Variants in STK11 observed in about 807,000 individuals in gnomAD.
STK11 encodes the protein serine/threonine-protein kinase STK11.
Under a neutral mutation model 47.3 loss-of-function variants are expected in STK11, and 8 were observed. The ratio of observed to expected loss-of-function variants is 0.17; its 90% confidence interval spans 0.10 to 0.31. The LOEUF (loss-of-function observed/expected upper bound fraction) is 0.31, where lower values mean the gene tolerates loss of function less well. STK11 is among the 10% of genes least tolerant of loss of function. STK11 has a pLI of 1.00. For missense variants in STK11, 475 were observed against 605.0 expected (o/e 0.79, Z 2.25); for synonymous variants, 330 against 255.8 (o/e 1.29, Z -2.77).
At position 1,227,697 on chromosome 19, in the gene STK11, A is replaced by G. The variant is rs886054219; in HGVS notation, c.*121A>G. ...TGGCCGCCATGCTTCTGTGCCGACCACGCCCCAGGACCTCCGGAGCGCCCT... is the reference window on the plus strand; with the variant it reads ...TGGCCGCCATGCTTCTGTGCCGACCGCGCCCCAGGACCTCCGGAGCGCCCT... On this transcript the variant is annotated 3_prime_UTR_variant, in exon 10 of 10. Transcript: ENST00000326873. 1 of 1,069,198 alleles carries G rather than the reference A, an allele frequency of 9.4e-7. No individual in the cohort carries two copies. The highest frequency in any genetic ancestry group is 1.1e-6 in the Non-Finnish European group (1 of 881,720). The allele number at this position is 1,069,198 out of a possible 1,614,324, so 66.2% of individuals were successfully genotyped here.
chr19:1,222,738 G>A (rs2080793858), intron 7 of STK11, among the ~76,000 whole-genome samples: 1 of 152,220 alleles, frequency 6.6e-6, no homozygotes. Flanking sequence ...GGTGGGTGCT[G>A]GCTTCTGAGT....
Position 1,227,769 on chromosome 19 carries a change from C to T in STK11, c.*193C>T. The T allele has an allele frequency of 1.9e-6, 2 of 1,073,642 alleles. No individual in the cohort carries two copies. The highest frequency in any genetic ancestry group is 2.3e-6 in the Non-Finnish European group (2 of 884,438). 66.5% of individuals were successfully genotyped at this position (1,073,642 alleles called of 1,614,324 possible). ...GCAGGGACCGGGCGCAGCCCTCCCC[C>T]CTCGGCCGCCCGGCAGTGCACGCGG... On this transcript the variant is annotated 3_prime_UTR_variant, in exon 10 of 10. Coordinates refer to ENST00000326873, the MANE Select transcript of STK11 (RefSeq NM_000455.5).
chr19:1,210,680 T>C (rs1430875042), intron 1 of STK11, among the ~76,000 whole-genome samples: 1 of 149,808 alleles, frequency 6.7e-6, no homozygotes, highest in African/African-American at 2.5e-5. Flanking sequence ...CTGACCAACA[T>C]GGTGAAACCC....
At chr19:1,208,511 T>C (rs528213630) in intron 1 of STK11, among the ~76,000 whole-genome samples, 2 of 150,486 alleles carry the variant, frequency 1.3e-5, no homozygotes, top group South Asian at 4.2e-4. Context: ...GGTTTCACCG[T>C]GTTAGCCAGG....
intron 9 of STK11, 58 bp downstream of exon 9, chr19:1,226,721 C>A: frequency 7.0e-7 from 1 of 1,436,164 alleles, no homozygotes; most frequent in Non-Finnish European, 9.1e-7. Context: ...ATGCCACAGC[C>A]AGCCGTGAGC....
At chr19:1,220,830 T>C in intron 5 of STK11, 113 bp downstream of exon 5, 1 of 1,451,990 alleles carries the variant, frequency 6.9e-7, no homozygotes, top group Non-Finnish European at 9.2e-7. Flanking sequence ...CCAGACCCTC[T>C]CTGGCCACAG....
chr19:1,221,277 A>G lies in STK11; in HGVS notation c.799A>G (p.Ile267Val), dbSNP rs1568709259. ...GDNIYKLFEN[I>V]GKGSYAIPGD... ...CAACATCTACAAGTTGTTTGAGAAC[A>G]TCGGGAAGGGGAGCTACGCCATCCC... Residue 267 changes from isoleucine to valine, a missense_variant, in exon 6 of 10, where the codon ATC becomes GTC. Around this residue, in one of 5 missense-constraint regions of STK11, gnomAD observed 130 missense variants for 239.7 expected, o/e 0.54. Transcript: ENST00000326873. 1.9e-6 allele frequency: 3 copies of G among 1,611,982 alleles called. No individual in the cohort carries two copies. Among genetic ancestry groups the G allele is most frequent in the Non-Finnish European group, 2.5e-6 (3 of 1,179,386 alleles).
chr19:1,226,192 C>T lies in STK11; in HGVS notation c.1109-262C>T, dbSNP rs1043423010. 9.0e-6 allele frequency: 12 copies of T among 1,333,496 alleles called. No individual in the cohort carries two copies. The African/African-American group carries it at 1.1e-4, about 12-fold the overall frequency. 82.6% of individuals were successfully genotyped at this position (1,333,496 alleles called of 1,614,324 possible). A position where few individuals can be genotyped will look rare whatever the true frequency, so the allele number is the denominator to read the frequency against. On this transcript the variant is annotated intron_variant, in intron 8 of 9. Transcript: ENST00000326873. ...CAGTCAGTACCTGGGTGGGGTCCCA[C>T]CTGCGGCCATGGCAGGTGCAACAGA... is the stretch of plus-strand genomic sequence containing the variant.
At chr19:1,222,276 G>A (rs1402783047) in intron 7 of STK11, among the ~76,000 whole-genome samples, 1 of 152,254 alleles carries the variant, frequency 6.6e-6, no homozygotes, top group African/African-American at 2.4e-5. Context: ...GCCAGGAAGG[G>A]CACAGCTGGT....
chr19:1,215,029 A>G (rs1335777456), intron 1 of STK11, among the ~76,000 whole-genome samples: 2 of 152,184 alleles, frequency 1.3e-5, no homozygotes, highest in East Asian at 3.9e-4. Context: ...ATGGCCTGTG[A>G]CCTTCATCAG....
At chr19:1,219,932 A>G in intron 3 of STK11, 1 of 193,376 alleles carries the variant, frequency 5.2e-6, no homozygotes, top group South Asian at 1.1e-4. Context: ...TCCCGCCTCC[A>G]TCTTTGCTGG....
Position 1,220,570 on chromosome 19 carries a change from C to G in STK11, c.598-11C>G, listed in dbSNP as rs587782431. 6.3e-7 allele frequency: 1 copy of G among 1,574,810 alleles called. No homozygotes were observed. The highest frequency in any genetic ancestry group is 8.6e-7 in the Non-Finnish European group (1 of 1,158,340). ...CGGGCACTCCCTGAGGGCTGCACGG[C>G]ACCGCCACAGGCACTGCACCCGTTC... On this transcript the variant is annotated splice_polypyrimidine_tract_variant and intron_variant, in intron 4 of 9. Coordinates refer to ENST00000326873, the MANE Select transcript of STK11 (RefSeq NM_000455.5).
chr19:1,227,730 C>T lies in STK11; in HGVS notation c.*154C>T, dbSNP rs980414538. On this transcript the variant is annotated 3_prime_UTR_variant, in exon 10 of 10. Coordinates refer to ENST00000326873, the MANE Select transcript of STK11 (RefSeq NM_000455.5). ...GGACCTCCGGAGCGCCCTGCAGGGC[C>T]GGGCAGGGGGACAGCAGGGACCGGG... 4.4e-5 allele frequency: 47 copies of T among 1,071,780 alleles called. No homozygotes were observed. The East Asian group carries it at 6.2e-4, about 14-fold the overall frequency. The allele number at this position is 1,071,780 out of a possible 1,614,324, so 66.4% of individuals were successfully genotyped here.
At chr19:1,227,509 A>C (rs1345712236) in intron 9 of STK11, 84 bp from the exon 10 acceptor site, 3 of 1,058,528 alleles carry the variant, frequency 2.8e-6, no homozygotes, top group Admixed American at 5.4e-5. Context: ...ACTGTACCTC[A>C]GCTTCTCCAT....
chr19:1,220,101 T>C (rs1052678803), intron 3 of STK11: 75 of 440,232 alleles, frequency 1.7e-4, no homozygotes, highest in African/African-American at 1.2e-3. Flanking sequence ...CAGCAAGACT[T>C]TGGGGTGCAG....
intron 7 of STK11, 27 bp downstream of exon 7, chr19:1,222,033 C>T (rs954265580): frequency 1.3e-6 from 2 of 1,557,966 alleles, no homozygotes; most frequent in South Asian, 1.2e-5. Context: ...GGCAGTGGGG[C>T]CGAGGCTGCA....
intron 1 of STK11, among the ~76,000 whole-genome samples, chr19:1,209,583 A>AAAATAAATAAAT (rs35010183): frequency 1.3e-4 from 19 of 147,294 alleles, no homozygotes; most frequent in East Asian, 8.1e-4. Context: ...CTCTGTCTCA[A>AAAATAAATAAAT]AAATAAATAA....
rs532639857 is a variant in STK11, at chr19:1,228,254, G to A, written c.*678G>A. On this transcript the variant is annotated 3_prime_UTR_variant, in exon 10 of 10. Transcript: ENST00000326873. ...TCTCCCCCAAGGCCACTGCGCTCTT[G>A]GGACCCCAGAGAAAACCCGGAGCAA... 1.9e-4 allele frequency: 95 copies of A among 490,916 alleles called. No homozygotes were observed. Among genetic ancestry groups the A allele is most frequent in the Admixed American group, 3.3e-4 (6 of 18,020 alleles). The allele number at this position is 490,916 out of a possible 1,614,324, so 30.4% of individuals were successfully genotyped here. A position where few individuals can be genotyped will look rare whatever the true frequency, so the allele number is the denominator to read the frequency against.
Position 1,218,480 on chromosome 19 carries a change from C to T in STK11, c.354C>T (p.Tyr118=), listed in dbSNP as rs1555737439. 6.2e-7 allele frequency: 1 copy of T among 1,613,584 alleles called. No homozygotes were observed. Among genetic ancestry groups the T allele is most frequent in the Non-Finnish European group, 8.5e-7 (1 of 1,179,768 alleles). ...KNVIQLVDVL[Y]NEEKQKMYMV... ...TCATCCAGCTGGTGGATGTGTTATACAACGAAGAGAAGCAGAAAATATATC... is the reference window on the plus strand; with the variant it reads ...TCATCCAGCTGGTGGATGTGTTATATAACGAAGAGAAGCAGAAAATATATC... The change falls in exon 2 of 10, where the codon TAC becomes TAT. Residue 118 remains tyrosine, a synonymous_variant. Transcript: ENST00000326873.
Sources: allele counts gnomAD v4.1 joint callset (sites outside exome capture counted in the v4.1 genomes callset), GRCh38; gene constraint gnomAD v4.1.1; regional missense constraint gnomAD v4.1.1; transcripts MANE v1.5; gene names NCBI Gene and HGNC (gene_info 2026-07-23, HGNC 2026-07-21).